PTGER3: variants seen among roughly 807,000 people sequenced by gnomAD.
PTGER3 encodes prostaglandin E2 receptor EP3 subtype.
In PTGER3, 22 loss-of-function variants were observed where a neutral mutation model predicts 34.7. The ratio of observed to expected loss-of-function variants is 0.63; its 90% CI spans 0.45 to 0.91. PTGER3 has a LOEUF of 0.91. Among genes scored for constraint, PTGER3 ranks in the 40% least tolerant of loss-of-function variants. The pLI is 0.00. For synonymous variants in PTGER3, 241 were observed against 230.1 expected, an observed-to-expected ratio of 1.05 and a Z score of -0.43; for missense variants, 468 against 519.4, an observed-to-expected ratio of 0.90 and a Z score of 0.96.
intron 4 of PTGER3, among the ~76,000 whole-genome samples, chr1:70,865,064 T>A (rs913556479): frequency 6.6e-5 from 10 of 151,672 alleles, no homozygotes; most frequent in African/African-American, 2.4e-4. Context: ...ACATTACAGG[T>A]GATAGCATTT....
At chr1:70,925,610 G>T (rs60428270) in intron 4 of PTGER3, among the ~76,000 whole-genome samples, 2,824 of 152,146 alleles carry the variant, frequency 0.019, 80 homozygotes, top group African/African-American at 0.065. Context: ...ATGAACCACA[G>T]CTTCATGCAA....
chr1:70,922,393 A>G (rs1647621337), intron 4 of PTGER3, among the ~76,000 whole-genome samples: 1 of 152,150 alleles, frequency 6.6e-6, no homozygotes. Context: ...AATTTATGCA[A>G]GAAACATTGT....
intron 1 of PTGER3, among the ~76,000 whole-genome samples, chr1:71,021,418 C>A (rs1658408575): frequency 6.6e-6 from 1 of 152,088 alleles, no homozygotes; most frequent in Admixed American, 6.6e-5. Context: ...TATTCAAATT[C>A]TGGCTGAAAG....
chr1:70,979,467 ACTT>A (rs1654042767), intron 2 of PTGER3, among the ~76,000 whole-genome samples: 3 of 136,802 alleles, frequency 2.2e-5, no homozygotes, highest in African/African-American at 5.5e-5. Flanking sequence ...CAGATTTGTC[ACTT>A]CAGCAAAATT....
At chr1:70,944,247 T>C (rs945440215) in intron 4 of PTGER3, among the ~76,000 whole-genome samples, 2 of 152,118 alleles carry the variant, frequency 1.3e-5, no homozygotes, top group African/African-American at 2.4e-5. Context: ...CATAGAGATA[T>C]ATGACCTAAA....
At chr1:70,973,984 T>C (rs537704943) in intron 3 of PTGER3, among the ~76,000 whole-genome samples, 1 of 152,296 alleles carries the variant, frequency 6.6e-6, no homozygotes, top group East Asian at 1.9e-4. Context: ...AGGAGTGGCC[T>C]AGCCTTAACA....
At chr1:71,039,649 C>CAAAAAAAAAAAAAAAAAAAAAAA (rs1183485427) in intron 1 of PTGER3, among the ~76,000 whole-genome samples, 1 of 54,468 alleles carries the variant, frequency 1.8e-5, no homozygotes, top group Non-Finnish European at 4.0e-5. Flanking sequence ...GACTCTGTCT[C>CAAAAAAAAAAAAAAAAAAAAAAA]AAAAAAAAAA....
At position 71,047,513 on chromosome 1, in the gene PTGER3, G is replaced by A; in HGVS notation, c.65C>T (p.Thr22Ile). Reference sequence around the variant, plus strand: ...GGAACGCTCGGGCGCCCACATGCCTGTGTAGGAGTGGTTGAGGCGGGTGCA... The same window carrying A: ...GGAACGCTCGGGCGCCCACATGCCTATGTAGGAGTGGTTGAGGCGGGTGCA... The part of the protein sequence containing the change: ...PFCTRLNHSY[T>I]GMWAPERSAE... The change falls in exon 1 of 4, where the codon ACA (threonine) becomes ATA (isoleucine). Residue 22 changes from threonine (T) to isoleucine (I), a missense_variant. Thr to Ile is a moderately conservative substitution (Grantham distance 89). Around this residue, in one of 5 missense-constraint regions of PTGER3, gnomAD observed 151 missense variants for 133.5 expected, o/e 1.13. Transcript: ENST00000306666. 6.2e-7 allele frequency: 1 copy of A among 1,600,618 alleles called. No individual in the cohort carries two copies. Among genetic ancestry groups the A allele is most frequent in the Non-Finnish European group, 8.5e-7 (1 of 1,174,672 alleles).
At chr1:70,918,634 T>C (rs1014508081) in intron 4 of PTGER3, among the ~76,000 whole-genome samples, 6 of 152,118 alleles carry the variant, frequency 3.9e-5, no homozygotes, top group African/African-American at 9.6e-5. Flanking sequence ...ACTTGCTGTA[T>C]GATCTTGAGC....
intron 2 of PTGER3, among the ~76,000 whole-genome samples, chr1:70,959,319 A>G (rs908477735): frequency 2.0e-5 from 3 of 151,562 alleles, no homozygotes; most frequent in Non-Finnish European, 4.4e-5. Context: ...CCATGAACAT[A>G]GGATATCTTT....
intron 2 of PTGER3, among the ~76,000 whole-genome samples, chr1:70,977,428 T>C (rs976499550): frequency 2.0e-5 from 3 of 152,032 alleles, no homozygotes; most frequent in African/African-American, 7.3e-5. Context: ...GGGTTATAGC[T>C]ACTTTCCATC....
At chr1:70,998,114 G>A (rs755019991) in intron 2 of PTGER3, among the ~76,000 whole-genome samples, 24 of 152,232 alleles carry the variant, frequency 1.6e-4, no homozygotes, top group Non-Finnish European at 2.8e-4. Context: ...TCTATTTAAT[G>A]TGACACTCCT....
intron 4 of PTGER3, among the ~76,000 whole-genome samples, chr1:70,884,269 C>T (rs1259901365): frequency 6.6e-6 from 1 of 152,188 alleles, no homozygotes; most frequent in African/African-American, 2.4e-5. Flanking sequence ...AAGATATCCA[C>T]CCCCTGGTAT....
intron 2 of PTGER3, among the ~76,000 whole-genome samples, chr1:70,990,949 C>A (rs993652182): frequency 7.2e-5 from 11 of 152,160 alleles, no homozygotes; most frequent in African/African-American, 2.7e-4. Context: ...ATTTCTTGCT[C>A]AAAAGAAAGC....
At position 70,882,734 on chromosome 1, in the gene PTGER3, G is replaced by A. The variant is rs184916757; in HGVS notation, c.*24-29875C>T. Among the ~76,000 whole-genome samples, 176 of 152,238 alleles carry A rather than the reference G, an allele frequency of 1.2e-3. 1 individual carries two copies. The highest frequency in any genetic ancestry group is 3.7e-3 in the African/African-American group (155 of 41,546). ...TTGCATAGGTCCCTGTGGAGAGTGC[G>A]AATCTTCTAGGGGGCTCTCACTCGC... On this transcript the variant is annotated intron_variant, in intron 4 of 4. Coordinates refer to the PTGER3 transcript ENST00000370931.
At chr1:70,923,403 T>A (rs952726179) in intron 4 of PTGER3, among the ~76,000 whole-genome samples, 2 of 152,182 alleles carry the variant, frequency 1.3e-5, no homozygotes, top group African/African-American at 4.8e-5. Flanking sequence ...TCCTAAGACT[T>A]TTTATCATCC....
At chr1:70,883,220 AG>A (rs1414169385) in intron 4 of PTGER3, among the ~76,000 whole-genome samples, 1 of 152,222 alleles carries the variant, frequency 6.6e-6, no homozygotes, top group African/African-American at 2.4e-5. Context: ...TTTTATGCCT[AG>A]AAAAAAACCT....
chr1:71,033,536 G>A (rs1182687659), intron 1 of PTGER3, among the ~76,000 whole-genome samples: 2 of 152,196 alleles, frequency 1.3e-5, no homozygotes, highest in Admixed American at 1.3e-4. Flanking sequence ...TTCCCTGAGA[G>A]CATGAAACTA....
rs114234431 is a variant in PTGER3, at chr1:71,020,286, G to A, written c.898-7802C>T. On this transcript the variant is annotated intron_variant, in intron 1 of 3. Coordinates refer to ENST00000306666, the MANE Select transcript of PTGER3 (RefSeq NM_198719.2). ...CATTAAAAAAATTAGTAGAATTTGT[G>A]CCATTTCGTCATTACTACTACGTAA... Among the ~76,000 whole-genome samples, 655 of 152,108 alleles carry A rather than the reference G, an allele frequency of 4.3e-3. 5 individuals are homozygous for A. The highest frequency in any genetic ancestry group is 0.015 in the African/African-American group (631 of 41,490).
Sources: allele counts gnomAD v4.1 joint callset (sites outside exome capture counted in the v4.1 genomes callset), GRCh38; gene constraint gnomAD v4.1.1; regional missense constraint gnomAD v4.1.1; transcripts MANE v1.5; gene names NCBI Gene and HGNC (gene_info 2026-07-23, HGNC 2026-07-21).